Variants in ZC3H12B observed in about 807,000 individuals in gnomAD.
ZC3H12B encodes probable ribonuclease ZC3H12B.
Under a neutral mutation model 43.9 loss-of-function variants are expected in ZC3H12B, and 7 were observed. The ratio of observed to expected loss-of-function variants is 0.16; its 90% CI spans 0.09 to 0.30. The LOEUF is 0.30. ZC3H12B is among the 10% of genes least tolerant of loss of function. The probability of loss-of-function intolerance (pLI) is 1.00; values close to 1 mark genes in which losing one functional copy is unlikely to be tolerated. For synonymous variants in ZC3H12B, 222 were observed against 241.7 expected (o/e 0.92, Z 0.76); for missense variants, 475 against 670.2 (o/e 0.71, Z 3.22).
chrX:65,110,426 G>A, the ZC3H12B span, among the ~76,000 whole-genome samples: 6 of 103,498 alleles, frequency 5.8e-5, no homozygotes, highest in African/African-American at 2.1e-4. Context: ...ATAGTTTGTT[G>A]TATTACATTT....
the ZC3H12B span, among the ~76,000 whole-genome samples, chrX:65,149,676 A>G: frequency 9.3e-6 from 1 of 107,784 alleles, no homozygotes; most frequent in Non-Finnish European, 1.9e-5. Flanking sequence ...AGGCAGGAGA[A>G]TGGCGTGAAC....
At chrX:65,232,079 CA>C in the ZC3H12B span, among the ~76,000 whole-genome samples, 22,307 of 97,943 alleles carry the variant, frequency 0.23, 6,380 homozygotes, top group African/African-American at 0.76. Flanking sequence ...ACTAACAATA[CA>C]AAAAAAAAAA....
rs780707264 is a variant in ZC3H12B, at chrX:65,488,859, G to A, written c.58G>A (p.Glu20Lys). 6 of 1,206,707 alleles carry A rather than the reference G, an allele frequency of 5.0e-6. No individual in the cohort carries two copies. The South Asian group carries it at 7.1e-5, about 14-fold the overall frequency. ...AATGGAGAAGAGTGCCTCCAAGGAA[G>A]AGAAGCAGCAGCCTAAGCAGGACAG... is the stretch of plus-strand genomic sequence containing the variant. The change falls in exon 1 of 5, where the codon GAG becomes AAG. Residue 20 changes from glutamate (E) to lysine (K), a missense_variant. Glu to Lys is a moderately conservative substitution (Grantham distance 56, BLOSUM62 1). Transcript: ENST00000338957.
chrX:65,408,115 C>T, intron 3 of ZC3H12B: 1 of 1,198,675 alleles, frequency 8.3e-7, no homozygotes, highest in Non-Finnish European at 1.1e-6. Context: ...CGACGCCGCA[C>T]CAGGCTGCAG....
At chrX:65,290,203 G>GA in the ZC3H12B span, among the ~76,000 whole-genome samples, 2 of 110,601 alleles carry the variant, frequency 1.8e-5, no homozygotes, top group African/African-American at 6.5e-5. Context: ...AAGGTGATAT[G>GA]CAAAATGGTT....
chrX:65,429,419 A>T (rs1262366734), intron 3 of ZC3H12B, among the ~76,000 whole-genome samples: 1 of 112,679 alleles, frequency 8.9e-6, no homozygotes, highest in Admixed American at 9.3e-5. Flanking sequence ...CCAGAGAGAG[A>T]TCAGAGCTCT....
chrX:65,331,024 G>A, the ZC3H12B span: 24 of 328,912 alleles, frequency 7.3e-5, no homozygotes, highest in Admixed American at 7.2e-4. Flanking sequence ...TTCTGTTTCT[G>A]CATATTGGTG....
chrX:65,065,574 A>T, the ZC3H12B span, among the ~76,000 whole-genome samples: 1 of 111,224 alleles, frequency 9.0e-6, no homozygotes, highest in Non-Finnish European at 1.9e-5. Flanking sequence ...TGCCCTTAAC[A>T]ATTTTTCCTT....
chrX:65,186,770 T>A, the ZC3H12B span, among the ~76,000 whole-genome samples: 5 of 111,127 alleles, frequency 4.5e-5, no homozygotes, highest in Non-Finnish European at 9.4e-5. Flanking sequence ...CACATATGAG[T>A]GAGAACATAA....
chrX:65,144,869 G>A, the ZC3H12B span, among the ~76,000 whole-genome samples: 13 of 111,610 alleles, frequency 1.2e-4, no homozygotes, highest in South Asian at 3.7e-4. Context: ...AGTGTATTCA[G>A]GTTTGTTTTG....
exon 1 of ZC3H12B, chrX:65,488,753 G>C (rs1391696964): frequency 5.4e-6 from 6 of 1,102,291 alleles, no homozygotes; most frequent in Non-Finnish European, 5.9e-6. Flanking sequence ...TTCCAAGCAG[G>C]CTAAAAAGAA....
intron 3 of ZC3H12B, chrX:65,469,985 C>CA (rs1208926090): frequency 1.9e-4 from 21 of 111,549 alleles, no homozygotes; most frequent in Admixed American, 6.7e-4. Context: ...ACAACAAAAA[C>CA]AAAAAAACAA....
chrX:65,189,465 C>T, the ZC3H12B span, among the ~76,000 whole-genome samples: 1 of 105,749 alleles, frequency 9.5e-6, no homozygotes, highest in South Asian at 4.3e-4. Context: ...CCTGTTGTTT[C>T]CTGACTTTTT....
chrX:65,304,202 T>G, the ZC3H12B span, among the ~76,000 whole-genome samples: 42 of 111,889 alleles, frequency 3.8e-4, no homozygotes, highest in Admixed American at 3.2e-3. Context: ...GGAAGTGAGT[T>G]CAGAAATAGG....
At chrX:65,341,674 A>G in the ZC3H12B span, among the ~76,000 whole-genome samples, 2 of 111,331 alleles carry the variant, frequency 1.8e-5, no homozygotes, top group African/African-American at 3.3e-5. Context: ...GGAATTAGTT[A>G]CCACCAGACC....
the ZC3H12B span, among the ~76,000 whole-genome samples, chrX:65,316,985 G>A: frequency 9.0e-6 from 1 of 111,119 alleles, no homozygotes; most frequent in Non-Finnish European, 1.9e-5. Context: ...GAAAATTGCA[G>A]GGGTTGCTAT....
the ZC3H12B span, among the ~76,000 whole-genome samples, chrX:65,341,115 T>G: frequency 8.9e-6 from 1 of 111,806 alleles, no homozygotes; most frequent in Non-Finnish European, 1.9e-5. Flanking sequence ...TCTCGGAGCT[T>G]GAAGACTGGC....
At chrX:65,288,884 A>C in the ZC3H12B span, among the ~76,000 whole-genome samples, 2 of 112,163 alleles carry the variant, frequency 1.8e-5, no homozygotes, top group African/African-American at 6.5e-5. Flanking sequence ...TTAATAAATA[A>C]ATTTAGTAAT....
the ZC3H12B span, among the ~76,000 whole-genome samples, chrX:65,147,336 G>A: frequency 9.0e-6 from 1 of 111,414 alleles, no homozygotes; most frequent in African/African-American, 3.3e-5. Flanking sequence ...GATGGGCCCA[G>A]TGCCTGAGTA....
Sources: gnomAD v4.1 joint callset for allele counts (sites outside exome capture counted in the v4.1 genomes callset) on GRCh38, gnomAD v4.1.1 for gene constraint, MANE v1.5 for transcripts, NCBI Gene and HGNC (gene_info 2026-07-23, HGNC 2026-07-21) for gene names.